The following NETO1 variants were observed in gnomAD, a reference collection of about 807,000 sequenced individuals.
NETO1 encodes the protein neuropilin and tolloid-like protein 1.
A neutral mutation model predicts 61.3 loss-of-function variants in NETO1; 26 were observed. The ratio of observed to expected loss-of-function variants is 0.42; its 90% CI spans 0.31 to 0.59. The LOEUF is 0.59. Among genes scored for constraint, NETO1 ranks in the 20% least tolerant of loss-of-function variants. The pLI is 0.12. For synonymous variants in NETO1, 225 were observed against 225.8 expected, an observed-to-expected ratio of 1.00 and a Z score of 0.03; for missense variants, 531 against 662.8, an observed-to-expected ratio of 0.80 and a Z score of 2.18.
intron 7 of NETO1, among the ~76,000 whole-genome samples, chr18:72,764,055 A>G (rs1224379425): frequency 6.6e-6 from 1 of 152,060 alleles, no homozygotes; most frequent in African/African-American, 2.4e-5. Flanking sequence ...ATGGGAGGAA[A>G]CTGTCTCTAT....
chr18:72,857,101 C>T (rs1348419447), intron 4 of NETO1, among the ~76,000 whole-genome samples: 1 of 152,178 alleles, frequency 6.6e-6, no homozygotes, highest in African/African-American at 2.4e-5. Flanking sequence ...TTTTCCAAGT[C>T]TCCTTTTTAT....
At chr18:72,835,483 G>A (rs2073716300) in intron 4 of NETO1, among the ~76,000 whole-genome samples, 1 of 152,154 alleles carries the variant, frequency 6.6e-6, no homozygotes, top group Admixed American at 6.5e-5. Flanking sequence ...AGTAACTCAG[G>A]TATGAAATTA....
intron 4 of NETO1, chr18:72,835,294 T>A (rs1286584959): frequency 6.3e-7 from 1 of 1,590,824 alleles, no homozygotes; most frequent in Non-Finnish European, 8.6e-7. Flanking sequence ...ACTCTGTAGA[T>A]CCTGCTAAGG....
At chr18:72,748,692 T>C (rs1302089993) in intron 10 of NETO1, among the ~76,000 whole-genome samples, 1 of 152,112 alleles carries the variant, frequency 6.6e-6, no homozygotes. Flanking sequence ...TTGGTTTTTT[T>C]CGAGTATTTC....
intron 4 of NETO1, among the ~76,000 whole-genome samples, chr18:72,833,757 T>G (rs1321520604): frequency 6.6e-6 from 1 of 152,164 alleles, no homozygotes; most frequent in Non-Finnish European, 1.5e-5. Flanking sequence ...TTTCAAAAAC[T>G]GAAAAATTAA....
chr18:72,789,477 C>T (rs1173422271), intron 6 of NETO1, among the ~76,000 whole-genome samples: 1 of 152,142 alleles, frequency 6.6e-6, no homozygotes, highest in African/African-American at 2.4e-5. Flanking sequence ...TAAAAGCAGG[C>T]TCAATCTTCA....
At chr18:72,802,386 C>T (rs2072536526) in intron 4 of NETO1, among the ~76,000 whole-genome samples, 1 of 152,168 alleles carries the variant, frequency 6.6e-6, no homozygotes. Flanking sequence ...GCCACTTTCC[C>T]ATCACACAGT....
At chr18:72,816,764 T>C (rs1019622612) in intron 4 of NETO1, among the ~76,000 whole-genome samples, 3 of 152,150 alleles carry the variant, frequency 2.0e-5, no homozygotes, top group Non-Finnish European at 4.4e-5. Context: ...CATCTTCCCA[T>C]TGTGGGCTGG....
intron 7 of NETO1, among the ~76,000 whole-genome samples, chr18:72,762,970 A>C (rs1568178879): frequency 6.6e-6 from 1 of 152,242 alleles, no homozygotes; most frequent in Non-Finnish European, 1.5e-5. Context: ...GAATCATAGA[A>C]CACATTGTTT....
chr18:72,761,350 C>T (rs1032839541), intron 7 of NETO1, among the ~76,000 whole-genome samples: 1 of 152,064 alleles, frequency 6.6e-6, no homozygotes, highest in African/African-American at 2.4e-5. Context: ...TTCAATTCTA[C>T]AAGAAAAGCA....
chr18:72,761,801 T>A (rs2070982893), intron 7 of NETO1, among the ~76,000 whole-genome samples: 1 of 152,204 alleles, frequency 6.6e-6, no homozygotes, highest in Non-Finnish European at 1.5e-5. Context: ...AATCTTCAGT[T>A]AACATTTATT....
intron 4 of NETO1, among the ~76,000 whole-genome samples, chr18:72,820,415 T>C (rs1350366289): frequency 1.3e-5 from 2 of 152,204 alleles, no homozygotes; most frequent in Non-Finnish European, 2.9e-5. Context: ...TTCTCCTTTG[T>C]TATTTTTACA....
intron 4 of NETO1, among the ~76,000 whole-genome samples, chr18:72,801,985 A>T (rs1178624281): frequency 6.6e-6 from 1 of 152,154 alleles, no homozygotes; most frequent in Non-Finnish European, 1.5e-5. Flanking sequence ...CTTATGGAAG[A>T]ATCTATTCCA....
At chr18:72,805,138 A>C (rs2072633053) in intron 4 of NETO1, among the ~76,000 whole-genome samples, 1 of 152,216 alleles carries the variant, frequency 6.6e-6, no homozygotes, top group African/African-American at 2.4e-5. Context: ...CCAATATTTA[A>C]CTGCAAACCA....
chr18:72,862,462 A>C (rs765178373), intron 3 of NETO1, among the ~76,000 whole-genome samples: 2 of 152,012 alleles, frequency 1.3e-5, no homozygotes, highest in Non-Finnish European at 2.9e-5. Context: ...CAAACTAAAC[A>C]CATTATTTTT....
intron 6 of NETO1, among the ~76,000 whole-genome samples, chr18:72,786,829 A>AT (rs113008289): frequency 6.0e-5 from 9 of 150,524 alleles, no homozygotes; most frequent in African/African-American, 1.2e-4. Context: ...AAAAAAAAAG[A>AT]TTTTTTTTTC....
intron 7 of NETO1, among the ~76,000 whole-genome samples, chr18:72,771,249 A>G (rs1306647275): frequency 2.0e-5 from 3 of 152,210 alleles, no homozygotes; most frequent in African/African-American, 7.2e-5. Flanking sequence ...GTGAAATAAA[A>G]TCAATCACTG....
At chr18:72,802,950 C>A (rs1353875414) in intron 4 of NETO1, among the ~76,000 whole-genome samples, 2 of 152,096 alleles carry the variant, frequency 1.3e-5, no homozygotes, top group Non-Finnish European at 2.9e-5. Flanking sequence ...TGAATTGTTT[C>A]CTGTTTTTCT....
chr18:72,748,693 C>A (rs571054060), intron 10 of NETO1, among the ~76,000 whole-genome samples: 20 of 151,972 alleles, frequency 1.3e-4, no homozygotes, highest in Non-Finnish European at 2.5e-4. Flanking sequence ...TGGTTTTTTT[C>A]GAGTATTTCT....
Sources: allele counts gnomAD v4.1 joint callset (sites outside exome capture counted in the v4.1 genomes callset), GRCh38; gene constraint gnomAD v4.1.1; transcripts MANE v1.5; gene names NCBI Gene and HGNC (gene_info 2026-07-23, HGNC 2026-07-21).